ADAD1: variants seen among roughly 807,000 people sequenced by gnomAD.
ADAD1 encodes the protein adenosine deaminase domain-containing protein 1.
In ADAD1, 46 loss-of-function variants were observed where a neutral mutation model predicts 66.8. That is an observed-to-expected ratio of 0.69 (90% CI 0.54 to 0.88). The LOEUF is 0.88. ADAD1 is among the 40% of genes least tolerant of loss of function. The pLI is 0.00. For synonymous variants in ADAD1, 248 were observed against 229.4 expected, an observed-to-expected ratio of 1.08 and a Z score of -0.73; for missense variants, 617 against 681.8, an observed-to-expected ratio of 0.91 and a Z score of 1.06.
At chr4:122,390,753 C>G (rs1580747468) in intron 5 of ADAD1, among the ~76,000 whole-genome samples, 1 of 152,192 alleles carries the variant, frequency 6.6e-6, no homozygotes, top group Non-Finnish European at 1.5e-5. Flanking sequence ...AGCAATTCCT[C>G]TATCCTTTTA....
rs187541435 is a variant in ADAD1, at chr4:122,422,047, T to G, written c.1617+657T>G. Among the ~76,000 whole-genome samples the G allele has an allele frequency of 4.8e-4, 73 of 152,212 alleles. No individual in the cohort carries two copies. The East Asian group carries it at 7.3e-3, about 15-fold the overall frequency. On this transcript the variant is annotated intron_variant, in intron 12 of 12. Transcript: ENST00000296513. Reference sequence around the variant, plus strand: ...TATACGTATTTGTGTATGTATCTGTTTAAAAATAAGGCCATATTGGGTATG... The same window carrying G: ...TATACGTATTTGTGTATGTATCTGTGTAAAAATAAGGCCATATTGGGTATG...
chr4:122,424,086 A>G (rs762903784), intron 12 of ADAD1, among the ~76,000 whole-genome samples: 4 of 152,226 alleles, frequency 2.6e-5, no homozygotes, highest in Non-Finnish European at 5.9e-5. Flanking sequence ...TGAAGGAAAA[A>G]TCCTGGCAAC....
chr4:122,401,560 G>T (rs1795977965), intron 7 of ADAD1, among the ~76,000 whole-genome samples: 2 of 152,050 alleles, frequency 1.3e-5, no homozygotes, highest in Admixed American at 6.6e-5. Context: ...GTTGACTTTT[G>T]TCTTGATGAC....
At chr4:122,379,297 G>T (rs573528881) in intron 1 of ADAD1, 75 bp from the exon 2 acceptor site, 14 of 152,522 alleles carry the variant, frequency 9.2e-5, no homozygotes, top group African/African-American at 3.4e-4. Context: ...CGGCCAGTTG[G>T]ACCCGGTCCT....
chr4:122,415,398 T>C lies in ADAD1; in HGVS notation c.1269T>C (p.Asp423=), dbSNP rs567987104. 4.3e-6 allele frequency: 7 copies of C among 1,613,640 alleles called. No individual in the cohort carries two copies. The South Asian group carries it at 6.6e-5, about 15-fold the overall frequency. The part of the protein sequence containing the change: ...SILIGDGNCS[D]TRGLEIAIKQ... ...TTCTAGGTGATGGGAATTGCAGTGA[T>C]ACCAGAGGCTTAGAAATCGCTATAA... The change falls in exon 11 of 13, where the codon GAT becomes GAC. Residue 423 remains aspartate (D), a synonymous_variant. Coordinates refer to ENST00000296513, the MANE Select transcript of ADAD1 (RefSeq NM_139243.4).
intron 5 of ADAD1, among the ~76,000 whole-genome samples, chr4:122,390,987 G>C (rs1039919188): frequency 6.6e-6 from 1 of 152,118 alleles, no homozygotes; most frequent in South Asian, 2.1e-4. Flanking sequence ...TATCATCTTC[G>C]TGAGGTTGTC....
At position 122,407,950 on chromosome 4, in the gene ADAD1, A is replaced by G. The variant is rs150494354; in HGVS notation, c.767A>G (p.Asn256Ser). The G allele has an allele frequency of 1.2e-6, 2 of 1,613,710 alleles. No individual in the cohort carries two copies. Among genetic ancestry groups the G allele is most frequent in the African/African-American group, 2.7e-5 (2 of 74,910 alleles). Residue 256 changes from asparagine to serine, a missense_variant, in exon 8 of 13, where the codon AAT becomes AGT. Asn to Ser is a conservative substitution (Grantham distance 46). Coordinates refer to ENST00000296513, the MANE Select transcript of ADAD1 (RefSeq NM_139243.4). ...GTAGCTATAGGCACAGGTGAATACA[A>G]TTACAGCCAGGACATTAAGCCAGAT... ...EVVAIGTGEY[N>S]YSQDIKPDGR...
intron 2 of ADAD1, 116 bp from the exon 3 acceptor site, chr4:122,379,946 C>A: frequency 9.7e-7 from 1 of 1,031,676 alleles, no homozygotes. Flanking sequence ...CTCTAGTCAT[C>A]TGAATATGTG....
At chr4:122,379,622 C>G (rs1386083465) in intron 2 of ADAD1, 177 bp downstream of exon 2, 1 of 155,486 alleles carries the variant, frequency 6.4e-6, no homozygotes, top group African/African-American at 2.4e-5. Flanking sequence ...CTGCGAGCCC[C>G]CGGCCTGAGG....
chr4:122,396,083 C>G (rs1580757822), intron 6 of ADAD1, among the ~76,000 whole-genome samples, 169 bp from the exon 7 acceptor site: 1 of 152,128 alleles, frequency 6.6e-6, no homozygotes, highest in Admixed American at 6.6e-5. Context: ...AACTCATATT[C>G]TTTTAGAATT....
intron 10 of ADAD1, 47 bp from the exon 11 acceptor site, chr4:122,415,332 G>T (rs1219828812): frequency 1.4e-6 from 2 of 1,388,294 alleles, no homozygotes; most frequent in Non-Finnish European, 1.0e-6. Flanking sequence ...TTTATTTTGG[G>T]ATGTTCTTTT....
rs190236084 is a variant in ADAD1 at position 122,395,440 on chromosome 4, T to C, written c.599-812T>C. Reference sequence around the variant, plus strand: ...GCTCACGCCTATGATCCCAGCACTTTGTGAGGCCAAGGCGGGTGGATCATG... The same window carrying C: ...GCTCACGCCTATGATCCCAGCACTTCGTGAGGCCAAGGCGGGTGGATCATG... On this transcript the variant is annotated intron_variant, in intron 6 of 12. Transcript: ENST00000296513. 7.2e-5 allele frequency among the ~76,000 whole-genome samples: 11 copies of C among 152,118 alleles called. No individual in the cohort carries two copies. In the South Asian group the frequency reaches 1.5e-3, roughly 20 times the overall value.
intron 10 of ADAD1, among the ~76,000 whole-genome samples, chr4:122,414,693 T>C (rs1231697465): frequency 6.6e-6 from 1 of 152,152 alleles, no homozygotes; most frequent in Non-Finnish European, 1.5e-5. Flanking sequence ...TCTGACCTTC[T>C]GAGGAAGAAA....
Position 122,415,617 on chromosome 4 carries a change from G to A in ADAD1, c.1487+1G>A. The A allele has an allele frequency of 6.2e-7, 1 of 1,609,780 alleles. No individual in the cohort carries two copies. Among genetic ancestry groups the A allele is most frequent in the South Asian group, 1.1e-5 (1 of 90,792 alleles). On this transcript the variant is annotated splice_donor_variant, in intron 11 of 12. Coordinates refer to ENST00000296513, the MANE Select transcript of ADAD1 (RefSeq NM_139243.4). LOFTEE classifies it high-confidence loss of function. ...GCCTGAGTGGGAAGATCACTGAAAG[G>A]TTAAAATTACTAATTTCTTTAAACC... is the stretch of plus-strand genomic sequence containing the variant.
chr4:122,408,932 CT>C (rs932967694), intron 8 of ADAD1, among the ~76,000 whole-genome samples: 4 of 151,736 alleles, frequency 2.6e-5, no homozygotes, highest in Non-Finnish European at 5.9e-5. Context: ...AAAAATAACA[CT>C]TTTTTATGAC....
chr4:122,395,052 A>G (rs1206737857), intron 6 of ADAD1, among the ~76,000 whole-genome samples: 6 of 151,840 alleles, frequency 4.0e-5, no homozygotes, highest in Admixed American at 2.0e-4. Context: ...GTGTGTGTGT[A>G]TTTATTTATT....
intron 12 of ADAD1, among the ~76,000 whole-genome samples, chr4:122,422,121 C>CTTTTTTTTTTTTTTTTTTTTTTTT (rs10713074): frequency 8.8e-6 from 1 of 113,856 alleles, no homozygotes; most frequent in African/African-American, 3.8e-5. Context: ...CATGAACATC[C>CTTTTTTTTTTTTTTTTTTTTTTTT]TTTTTTTTTT....
At chr4:122,402,851 T>A (rs1167723615) in intron 7 of ADAD1, among the ~76,000 whole-genome samples, 1 of 152,206 alleles carries the variant, frequency 6.6e-6, no homozygotes, top group African/African-American at 2.4e-5. Context: ...ATGATTTTAT[T>A]TTCATTATGA....
chr4:122,419,914 C>T (rs936766290), intron 11 of ADAD1, among the ~76,000 whole-genome samples: 4 of 152,034 alleles, frequency 2.6e-5, no homozygotes, highest in Non-Finnish European at 4.4e-5. Flanking sequence ...CTTTATTAGT[C>T]AAAAAATATT....
Sources: gnomAD v4.1 joint callset for allele counts (sites outside exome capture counted in the v4.1 genomes callset) on GRCh38, gnomAD v4.1.1 for gene constraint, MANE v1.5 for transcripts, NCBI Gene and HGNC (gene_info 2026-07-23, HGNC 2026-07-21) for gene names.